Variants in LRFN5 observed in about 807,000 individuals in gnomAD.
The protein encoded by LRFN5 is leucine-rich repeat and fibronectin type-III domain-containing protein 5.
LRFN5 carries 24 observed loss-of-function variants against 45.6 expected under a neutral mutation model. The ratio of observed to expected loss-of-function variants is 0.53; its 90% CI spans 0.38 to 0.74. LRFN5 has a LOEUF of 0.74. Ranked by LOEUF, LRFN5 falls within the 30% of genes least tolerant of loss-of-function variation. The pLI is 0.00. For synonymous variants in LRFN5, 340 were observed against 313.8 expected (o/e 1.08, Z -0.88); for missense variants, 776 against 861.5 (o/e 0.90, Z 1.24).
At chr14:41,781,942 T>A (rs1214877989) in intron 2 of LRFN5, among the ~76,000 whole-genome samples, 1 of 152,114 alleles carries the variant, frequency 6.6e-6, no homozygotes. Flanking sequence ...TAAGCTGCTT[T>A]TCCCTCTGAT....
At chr14:41,868,774 A>T (rs1889921311) in intron 2 of LRFN5, among the ~76,000 whole-genome samples, 1 of 152,178 alleles carries the variant, frequency 6.6e-6, no homozygotes. Context: ...TGTGAAATGC[A>T]TTATTCATAC....
chr14:41,663,945 C>G (rs1880775897), intron 1 of LRFN5, among the ~76,000 whole-genome samples: 1 of 151,868 alleles, frequency 6.6e-6, no homozygotes, highest in African/African-American at 2.4e-5. Flanking sequence ...TAGAAATAGA[C>G]TTATATTGGA....
At chr14:41,760,679 G>T (rs940858750) in intron 1 of LRFN5, among the ~76,000 whole-genome samples, 1 of 151,996 alleles carries the variant, frequency 6.6e-6, no homozygotes, top group African/African-American at 2.4e-5. Context: ...ATAAATGAAG[G>T]ATGAGAGAGG....
At chr14:41,728,968 T>TAAAC (rs1884053720) in intron 1 of LRFN5, among the ~76,000 whole-genome samples, 2 of 140,960 alleles carry the variant, frequency 1.4e-5, no homozygotes, top group African/African-American at 5.3e-5. Flanking sequence ...GCTCACTACA[T>TAAAC]GAACTATTTA....
chr14:41,786,148 A>G (rs1213985344), intron 2 of LRFN5, among the ~76,000 whole-genome samples: 1 of 152,154 alleles, frequency 6.6e-6, no homozygotes, highest in East Asian at 1.9e-4. Context: ...TACAACATAG[A>G]GTTATTATTT....
chr14:41,895,635 A>G (rs1362418683), intron 4 of LRFN5, among the ~76,000 whole-genome samples: 2 of 151,442 alleles, frequency 1.3e-5, no homozygotes, highest in African/African-American at 2.4e-5. Context: ...AAAAGAGAAG[A>G]AAAAAAAAGT....
At chr14:41,710,759 T>C (rs1343779605) in intron 1 of LRFN5, among the ~76,000 whole-genome samples, 1 of 152,104 alleles carries the variant, frequency 6.6e-6, no homozygotes, top group Non-Finnish European at 1.5e-5. Flanking sequence ...CCTAATGTTA[T>C]CCCTCCCCCG....
intron 1 of LRFN5, chr14:41,733,426 AT>A (rs1158970478): frequency 3.9e-4 from 59 of 151,788 alleles, no homozygotes; most frequent in Middle Eastern, 3.4e-3. Context: ...AAAAAAAAAA[AT>A]ATCAACCAAG....
At chr14:41,676,169 T>A (rs1881621031) in intron 1 of LRFN5, among the ~76,000 whole-genome samples, 1 of 152,206 alleles carries the variant, frequency 6.6e-6, no homozygotes, top group African/African-American at 2.4e-5. Flanking sequence ...GACTGTATCT[T>A]CTTTTTGCAT....
chr14:41,786,543 GTT>G (rs71105403), intron 2 of LRFN5, among the ~76,000 whole-genome samples: 21,774 of 142,400 alleles, frequency 0.15, 1,754 homozygotes, highest in Admixed American at 0.19. Context: ...CTCTTTATGA[GTT>G]TTTTTTTTTT....
At chr14:41,759,939 C>G (rs1038535516) in intron 1 of LRFN5, among the ~76,000 whole-genome samples, 9 of 152,208 alleles carry the variant, frequency 5.9e-5, no homozygotes, top group African/African-American at 2.2e-4. Context: ...AATTTTCATG[C>G]AGTCGTGGAA....
At chr14:41,685,105 A>G (rs928820220) in intron 1 of LRFN5, among the ~76,000 whole-genome samples, 4 of 152,178 alleles carry the variant, frequency 2.6e-5, no homozygotes, top group African/African-American at 7.2e-5. Context: ...ATGAGATACT[A>G]TCTTGTGCAA....
chr14:41,629,251 C>G (rs1381431936), intron 1 of LRFN5, among the ~76,000 whole-genome samples: 1 of 152,148 alleles, frequency 6.6e-6, no homozygotes, highest in African/African-American at 2.4e-5. Flanking sequence ...ACTCACTGCC[C>G]TATGATTGTT....
intron 1 of LRFN5, among the ~76,000 whole-genome samples, chr14:41,636,252 A>T (rs1415516616): frequency 1.3e-5 from 2 of 152,304 alleles, no homozygotes; most frequent in African/African-American, 4.8e-5. Flanking sequence ...GAAATACATC[A>T]TGGAGTTGGT....
intron 4 of LRFN5, chr14:41,893,574 A>C: frequency 1.0e-6 from 1 of 985,328 alleles, no homozygotes; most frequent in Non-Finnish European, 1.2e-6. Flanking sequence ...TTGAAATACC[A>C]CTTAAGACAC....
chr14:41,698,607 T>C (rs1451737192), intron 1 of LRFN5, among the ~76,000 whole-genome samples: 1 of 152,026 alleles, frequency 6.6e-6, no homozygotes, highest in Non-Finnish European at 1.5e-5. Context: ...TCCAGTGCTG[T>C]AGGCACATGG....
chr14:41,881,554 T>C (rs1409414297), intron 2 of LRFN5, among the ~76,000 whole-genome samples: 1 of 152,034 alleles, frequency 6.6e-6, no homozygotes, highest in Non-Finnish European at 1.5e-5. Context: ...TATCATCAAC[T>C]CTGGAATCTT....
chr14:41,863,646 T>C (rs1324076173), intron 2 of LRFN5, among the ~76,000 whole-genome samples: 1 of 152,238 alleles, frequency 6.6e-6, no homozygotes, highest in Admixed American at 6.5e-5. Context: ...TAAATACAAT[T>C]CTTTGAAATT....
chr14:41,817,880 A>G (rs73319451), intron 2 of LRFN5, among the ~76,000 whole-genome samples: 2,515 of 152,180 alleles, frequency 0.017, 60 homozygotes, highest in African/African-American at 0.055. Context: ...AGGTTTTCCT[A>G]TATAGATAGT....
Sources: allele counts gnomAD v4.1 joint callset (sites outside exome capture counted in the v4.1 genomes callset), GRCh38; gene constraint gnomAD v4.1.1; transcripts MANE v1.5; gene names NCBI Gene and HGNC (gene_info 2026-07-23, HGNC 2026-07-21).